DEPDC1B: variants seen among roughly 807,000 people sequenced by gnomAD.
The protein encoded by DEPDC1B is DEP domain containing 1B.
DEPDC1B carries 51 observed loss-of-function variants against 66.5 expected under a neutral mutation model. The ratio of observed to expected loss-of-function variants is 0.77; its 90% CI spans 0.61 to 0.97. The LOEUF (loss-of-function observed/expected upper bound fraction) is 0.97, where lower values mean the gene tolerates loss of function less well. Ranked by LOEUF, DEPDC1B falls within the 50% of genes least tolerant of loss-of-function variation. The pLI, the probability that DEPDC1B is intolerant of heterozygous loss-of-function variation, is 0.00. For missense variants in DEPDC1B, 552 were observed against 637.1 expected (o/e 0.87, Z 1.44); for synonymous variants, 226 against 223.6 (o/e 1.01, Z -0.10).
intron 10 of DEPDC1B, 25 bp from the exon 11 acceptor site, chr5:60,597,939 G>A: frequency 2.6e-6 from 4 of 1,545,232 alleles, no homozygotes; most frequent in South Asian, 2.5e-5. Flanking sequence ...GGTCCAAGAA[G>A]AGTAAAAAAA....
intron 7 of DEPDC1B, among the ~76,000 whole-genome samples, chr5:60,634,679 T>A (rs12518656): frequency 0.35 from 51,234 of 147,804 alleles, 10,646 homozygotes; most frequent in East Asian, 0.55. Flanking sequence ...CTCAAAAAAA[T>A]AAATAAATAA....
At chr5:60,612,951 C>T (rs1050706474) in intron 7 of DEPDC1B, among the ~76,000 whole-genome samples, 2 of 152,118 alleles carry the variant, frequency 1.3e-5, no homozygotes, top group African/African-American at 4.8e-5. Flanking sequence ...TGGGAGATAT[C>T]GTCACTCTTC....
chr5:60,627,555 A>T (rs1277947463), intron 7 of DEPDC1B, among the ~76,000 whole-genome samples: 1 of 152,094 alleles, frequency 6.6e-6, no homozygotes, highest in Non-Finnish European at 1.5e-5. Context: ...CAATCTCAAC[A>T]TCATCATCAA....
At chr5:60,676,427 T>C (rs1163735890) in intron 2 of DEPDC1B, among the ~76,000 whole-genome samples, 2 of 152,136 alleles carry the variant, frequency 1.3e-5, no homozygotes, top group Non-Finnish European at 2.9e-5. Flanking sequence ...GGCTTCAGCC[T>C]CCTAAGTAGC....
In DEPDC1B at chr5:60,647,382, C is replaced by A; in HGVS notation, c.450+16G>T. The A allele has an allele frequency of 6.3e-7, 1 of 1,577,270 alleles. No homozygotes were observed. The highest frequency in any genetic ancestry group is 8.6e-7 in the Non-Finnish European group (1 of 1,165,628). The stretch of plus-strand genomic sequence containing the variant: ...CCCTGCTGCCAGCCCTTCCATCTTT[C>A]AGTCATGGCACTTACCATCACAACT... On this transcript the variant is annotated intron_variant, in intron 3 of 10. Transcript: ENST00000265036.
At chr5:60,690,430 C>T (rs1206439278) in intron 1 of DEPDC1B, among the ~76,000 whole-genome samples, 1 of 152,136 alleles carries the variant, frequency 6.6e-6, no homozygotes, top group Non-Finnish European at 1.5e-5. Context: ...GAATATACAA[C>T]AAACTTAAAA....
intron 2 of DEPDC1B, among the ~76,000 whole-genome samples, chr5:60,651,918 G>A (rs543546429): frequency 6.6e-6 from 1 of 152,194 alleles, no homozygotes; most frequent in African/African-American, 2.4e-5. Context: ...AACCAGGTGT[G>A]GATTGTGCCA....
At chr5:60,692,740 T>C (rs1449229192) in intron 1 of DEPDC1B, among the ~76,000 whole-genome samples, 1 of 152,096 alleles carries the variant, frequency 6.6e-6, no homozygotes, top group Non-Finnish European at 1.5e-5. Flanking sequence ...GCACTATCCA[T>C]AATAGGCAGA....
At chr5:60,652,066 G>C (rs1344023304) in intron 2 of DEPDC1B, among the ~76,000 whole-genome samples, 1 of 149,558 alleles carries the variant, frequency 6.7e-6, no homozygotes, top group Non-Finnish European at 1.5e-5. Flanking sequence ...CTTTGAGGGA[G>C]GGGTAAAGGG....
chr5:60,621,105 C>T (rs1752689985), intron 7 of DEPDC1B, among the ~76,000 whole-genome samples: 1 of 150,960 alleles, frequency 6.6e-6, no homozygotes, highest in African/African-American at 2.4e-5. Context: ...CACATTGACA[C>T]AGGAAGGGGA....
At chr5:60,670,645 T>A (rs1423681846) in intron 2 of DEPDC1B, among the ~76,000 whole-genome samples, 1 of 152,216 alleles carries the variant, frequency 6.6e-6, no homozygotes, top group African/African-American at 2.4e-5. Context: ...GAATGGTATA[T>A]GAATTAAGTC....
chr5:60,693,777 ATTTT>A (rs1377039751), intron 1 of DEPDC1B, among the ~76,000 whole-genome samples: 2 of 151,922 alleles, frequency 1.3e-5, no homozygotes, highest in Non-Finnish European at 2.9e-5. Flanking sequence ...TTGATTATTG[ATTTT>A]TTTAATACAT....
intron 7 of DEPDC1B, among the ~76,000 whole-genome samples, chr5:60,618,307 T>C (rs940957239): frequency 2.6e-5 from 4 of 151,874 alleles, no homozygotes; most frequent in African/African-American, 9.7e-5. Flanking sequence ...CTGAAGGAAA[T>C]AGAGACACAA....
intron 2 of DEPDC1B, among the ~76,000 whole-genome samples, chr5:60,666,515 A>C (rs1753844853): frequency 6.6e-6 from 1 of 152,100 alleles, no homozygotes; most frequent in Admixed American, 6.5e-5. Flanking sequence ...TGAGACCCAA[A>C]TTGCAGTGAT....
chr5:60,679,643 T>C (rs530318138), intron 2 of DEPDC1B, among the ~76,000 whole-genome samples: 163 of 152,288 alleles, frequency 1.1e-3, no homozygotes, highest in Middle Eastern at 3.4e-3. Context: ...CCATCTGAGC[T>C]GTGAATTTCT....
At chr5:60,623,222 A>G (rs531297134) in intron 7 of DEPDC1B, among the ~76,000 whole-genome samples, 1 of 152,312 alleles carries the variant, frequency 6.6e-6, no homozygotes, top group Non-Finnish European at 1.5e-5. Flanking sequence ...AGTTGTTCCA[A>G]CACTACCCTG....
At chr5:60,638,258 A>G (rs1323918497) in intron 7 of DEPDC1B, among the ~76,000 whole-genome samples, 4 of 152,180 alleles carry the variant, frequency 2.6e-5, no homozygotes, top group Non-Finnish European at 5.9e-5. Flanking sequence ...TATGAGGAAT[A>G]GCTACATGTT....
chr5:60,641,901 T>C (rs1753200065), intron 6 of DEPDC1B, among the ~76,000 whole-genome samples: 1 of 152,200 alleles, frequency 6.6e-6, no homozygotes, highest in Non-Finnish European at 1.5e-5. Context: ...ATGGTTACTA[T>C]TCATATACAG....
chr5:60,681,200 A>G (rs2112016674), intron 2 of DEPDC1B, among the ~76,000 whole-genome samples: 1 of 152,036 alleles, frequency 6.6e-6, no homozygotes, highest in African/African-American at 2.4e-5. Context: ...GCCCCCCACC[A>G]CCAATGCCAG....
Sources: gnomAD v4.1 joint callset for allele counts (sites outside exome capture counted in the v4.1 genomes callset) on GRCh38, gnomAD v4.1.1 for gene constraint, MANE v1.5 for transcripts, NCBI Gene and HGNC (gene_info 2026-07-23, HGNC 2026-07-21) for gene names.